Variants in WWTR1 observed in about 807,000 individuals in gnomAD.
WWTR1 encodes the protein WW domain-containing transcription regulator protein 1.
Under a neutral mutation model 40.1 loss-of-function variants are expected in WWTR1, and 13 were observed. The observed-to-expected ratio is 0.32, with a 90% CI of 0.21 to 0.52. The LOEUF (loss-of-function observed/expected upper bound fraction) is 0.52. WWTR1 is among the 20% of genes least tolerant of loss of function. The pLI is 0.97. For missense variants in WWTR1, 436 were observed against 523.1 expected, an observed-to-expected ratio of 0.83 and a Z score of 1.63; for synonymous variants, 230 against 210.1, an observed-to-expected ratio of 1.09 and a Z score of -0.82.
chr3:149,674,782 G>A (rs1027183175), intron 1 of WWTR1, among the ~76,000 whole-genome samples: 1 of 132,518 alleles, frequency 7.5e-6, no homozygotes, highest in Non-Finnish European at 1.7e-5. Context: ...AAGACCACAC[G>A]TCCATGTTTT....
In WWTR1 at chr3:149,657,244, C is replaced by T. The variant is rs1393529343; in HGVS notation, c.63G>A (p.Thr21=). 6.2e-6 allele frequency: 10 copies of T among 1,613,198 alleles called. No individual in the cohort carries two copies. Among genetic ancestry groups the T allele is most frequent in the East Asian group, 4.5e-5 (2 of 44,872 alleles). ...CTTCGAGGTCTGTGTCTAGGTCCTG[C>T]GTGACGTGGATCACTTGCTGCCCAG... ...PPPGQQVIHV[T]QDLDTDLEAL... The change falls in exon 2 of 7, where the codon ACG becomes ACA. Residue 21 remains threonine, a synonymous_variant. Transcript: ENST00000360632.
intron 3 of WWTR1, among the ~76,000 whole-genome samples, chr3:149,571,199 ATTTT>A (rs1191901470): frequency 7.3e-6 from 1 of 137,804 alleles, no homozygotes; most frequent in African/African-American, 2.7e-5. Context: ...AAGTGTTTGA[ATTTT>A]TTTTTCTTTT....
Position 149,599,996 on chromosome 3 carries a change from T to A in WWTR1, c.432-26996A>T, listed in dbSNP as rs549654795. ...TGAATACAAATAAAAAACAATACAA[T>A]GATACAGTATAACAACTATTTACAT... On this transcript the variant is annotated intron_variant, in intron 2 of 6. Transcript: ENST00000360632. Among the ~76,000 whole-genome samples, 5 of 152,276 alleles carry A rather than the reference T, an allele frequency of 3.3e-5. No homozygotes were observed. In the South Asian group the frequency reaches 1.0e-3, roughly 32 times the overall value.
intron 2 of WWTR1, among the ~76,000 whole-genome samples, chr3:149,654,120 A>T (rs1713060724): frequency 7.9e-6 from 1 of 126,328 alleles, no homozygotes; most frequent in Non-Finnish European, 1.8e-5. Flanking sequence ...AGCCAAAAAT[A>T]AAAAAATTAA....
At chr3:149,588,534 G>A (rs1301690624) in intron 2 of WWTR1, among the ~76,000 whole-genome samples, 1 of 152,172 alleles carries the variant, frequency 6.6e-6, no homozygotes, top group East Asian at 1.9e-4. Context: ...GACAGTGGAA[G>A]ACTGAACAGA....
At chr3:149,540,567 C>T (rs1736047778) in intron 4 of WWTR1, among the ~76,000 whole-genome samples, 1 of 152,112 alleles carries the variant, frequency 6.6e-6, no homozygotes, top group South Asian at 2.1e-4. Context: ...TTTAATTTAC[C>T]TTACATTATA....
chr3:149,704,133 A>G (rs575769726), upstream of WWTR1, among the ~76,000 whole-genome samples: 21 of 152,260 alleles, frequency 1.4e-4, no homozygotes, highest in African/African-American at 5.1e-4. Flanking sequence ...ATGAGCCACC[A>G]TGCCTGGCCA....
At chr3:149,534,574 T>C (rs1288643989) in intron 4 of WWTR1, among the ~76,000 whole-genome samples, 1 of 152,220 alleles carries the variant, frequency 6.6e-6, no homozygotes, top group Non-Finnish European at 1.5e-5. Context: ...TCAACGTATA[T>C]GAGTGGAGCT....
intron 3 of WWTR1, among the ~76,000 whole-genome samples, chr3:149,543,749 G>A (rs1194061105): frequency 1.3e-5 from 2 of 151,126 alleles, no homozygotes; most frequent in Non-Finnish European, 2.9e-5. Context: ...GCAATGTCAT[G>A]TAATAAAGAA....
intron 2 of WWTR1, among the ~76,000 whole-genome samples, chr3:149,602,550 T>C (rs1179085394): frequency 6.6e-6 from 1 of 152,168 alleles, no homozygotes; most frequent in East Asian, 1.9e-4. Flanking sequence ...ACTGAAACTC[T>C]AGTGTTGATC....
At chr3:149,567,752 G>A (rs1430745900) in intron 3 of WWTR1, among the ~76,000 whole-genome samples, 1 of 152,162 alleles carries the variant, frequency 6.6e-6, no homozygotes, top group Non-Finnish European at 1.5e-5. Flanking sequence ...TATCAGATAG[G>A]TACTATCATT....
intron 2 of WWTR1, among the ~76,000 whole-genome samples, chr3:149,633,157 G>A (rs888309708): frequency 1.3e-5 from 2 of 152,224 alleles, no homozygotes; most frequent in African/African-American, 2.4e-5. Context: ...GGGAGGCTGA[G>A]GTGGGACCAT....
At chr3:149,682,786 G>C (rs1272343177) in intron 1 of WWTR1, among the ~76,000 whole-genome samples, 1 of 152,136 alleles carries the variant, frequency 6.6e-6, no homozygotes, top group African/African-American at 2.4e-5. Flanking sequence ...GGGAGACAGA[G>C]ATCTCCCCAC....
chr3:149,652,058 T>TGA lies in WWTR1; in HGVS notation c.431+4816_431+4817dup, dbSNP rs1236591553. Among the ~76,000 whole-genome samples the TGA allele has an allele frequency of 7.0e-5, 10 of 142,018 alleles. No homozygotes were observed. The Admixed American group carries it at 7.8e-4, about 11-fold the overall frequency. The allele number at this position is 142,018 out of a possible 152,430, so 93.2% of individuals were successfully genotyped here. The stretch of plus-strand genomic sequence containing the variant: ...CGGGGTTTCACGGTGTTAGCCAGGA[T>TGA]GATCTCCATCTCCTGACCTCGTGAT... On this transcript the variant is annotated intron_variant, in intron 2 of 6. Coordinates refer to ENST00000360632, the MANE Select transcript of WWTR1 (RefSeq NM_015472.6).
intron 3 of WWTR1, among the ~76,000 whole-genome samples, chr3:149,546,552 C>T (rs1418932018): frequency 6.6e-6 from 1 of 152,188 alleles, no homozygotes; most frequent in Non-Finnish European, 1.5e-5. Context: ...CACCTGAGAC[C>T]GGCAACAGCG....
At chr3:149,609,961 G>A (rs147172429) in intron 2 of WWTR1, among the ~76,000 whole-genome samples, 20 of 152,302 alleles carry the variant, frequency 1.3e-4, no homozygotes, top group African/African-American at 3.8e-4. Context: ...CAGGGGTTCT[G>A]TGTCATTTTC....
At chr3:149,571,796 T>C (rs956427656) in intron 3 of WWTR1, among the ~76,000 whole-genome samples, 1 of 152,218 alleles carries the variant, frequency 6.6e-6, no homozygotes, top group African/African-American at 2.4e-5. Flanking sequence ...TATCTGGATA[T>C]CTGATCTTAA....
At chr3:149,609,864 C>A (rs1306514872) in intron 2 of WWTR1, among the ~76,000 whole-genome samples, 2 of 152,172 alleles carry the variant, frequency 1.3e-5, no homozygotes, top group Non-Finnish European at 2.9e-5. Context: ...CGAAGATAAA[C>A]GTTTCCACAG....
chr3:149,673,749 C>A (rs577871496), intron 1 of WWTR1, among the ~76,000 whole-genome samples: 1 of 152,218 alleles, frequency 6.6e-6, no homozygotes, highest in African/African-American at 2.4e-5. Context: ...CAGAGTTATG[C>A]ATTCTTTGAC....
Sources: allele counts gnomAD v4.1 joint callset (sites outside exome capture counted in the v4.1 genomes callset), GRCh38; gene constraint gnomAD v4.1.1; transcripts MANE v1.5; gene names NCBI Gene and HGNC (gene_info 2026-07-23, HGNC 2026-07-21).